TENM4: variants seen among roughly 807,000 people sequenced by gnomAD.
TENM4 encodes teneurin-4.
TENM4 carries 82 observed loss-of-function variants against 243.3 expected under a neutral mutation model. That is an observed-to-expected ratio of 0.34 (90% CI 0.28 to 0.40). TENM4 has a LOEUF of 0.40. Among genes scored for constraint, TENM4 ranks in the 10% least tolerant of loss-of-function variants. TENM4 has a pLI of 1.00. For missense variants in TENM4, 3,138 were observed against 3,673.3 expected (o/e 0.85, Z 3.77); for synonymous variants, 1,412 against 1,456.3 (o/e 0.97, Z 0.69).
At chr11:78,754,648 C>T (rs145508689) in intron 19 of TENM4, among the ~76,000 whole-genome samples, 38 of 152,320 alleles carry the variant, frequency 2.5e-4, no homozygotes, top group African/African-American at 8.7e-4. Flanking sequence ...GGCCTACAAG[C>T]ATACATACAA....
intron 23 of TENM4, among the ~76,000 whole-genome samples, chr11:78,724,835 G>C (rs907107420): frequency 2.6e-5 from 4 of 152,196 alleles, no homozygotes; most frequent in Non-Finnish European, 4.4e-5. Context: ...CTTCATCCTT[G>C]ACCTCCTTCC....
intron 3 of TENM4, among the ~76,000 whole-genome samples, chr11:79,209,180 G>A (rs1343462447): frequency 6.6e-6 from 1 of 152,190 alleles, no homozygotes; most frequent in Non-Finnish European, 1.5e-5. Context: ...ACCCAGCACT[G>A]TGCAGCTTCC....
At chr11:79,227,675 T>C (rs972518801) in intron 2 of TENM4, among the ~76,000 whole-genome samples, 1 of 152,126 alleles carries the variant, frequency 6.6e-6, no homozygotes, top group Non-Finnish European at 1.5e-5. Context: ...GTAGGTCCAG[T>C]CAGCTTGCAT....
intron 19 of TENM4, among the ~76,000 whole-genome samples, chr11:78,751,751 C>G (rs887893231): frequency 6.6e-6 from 1 of 152,174 alleles, no homozygotes; most frequent in African/African-American, 2.4e-5. Flanking sequence ...AGCTCTGGCT[C>G]GAGTGCTTGC....
intron 6 of TENM4, among the ~76,000 whole-genome samples, chr11:79,046,177 T>C (rs1466024822): frequency 6.6e-6 from 1 of 152,114 alleles, no homozygotes; most frequent in Non-Finnish European, 1.5e-5. Context: ...GGCTTAAGAT[T>C]GTGTGTCCTG....
At chr11:78,866,056 C>T (rs1858967128) in intron 9 of TENM4, among the ~76,000 whole-genome samples, 2 of 152,186 alleles carry the variant, frequency 1.3e-5, no homozygotes, top group South Asian at 4.1e-4. Flanking sequence ...TACCAGGTAC[C>T]AGGTGAGGTG....
intron 18 of TENM4, among the ~76,000 whole-genome samples, chr11:78,768,470 A>G (rs1018940501): frequency 6.6e-6 from 1 of 152,182 alleles, no homozygotes; most frequent in Admixed American, 6.5e-5. Context: ...CAATTGTCCC[A>G]CTGCATTGCA....
At chr11:78,768,561 A>G (rs1856587151) in intron 18 of TENM4, among the ~76,000 whole-genome samples, 1 of 152,340 alleles carries the variant, frequency 6.6e-6, no homozygotes, top group South Asian at 2.1e-4. Context: ...CTGAAGCCCC[A>G]GTACCCTGGA....
Position 78,903,520 on chromosome 11 carries a change from T to A in TENM4, c.497A>T (p.His166Leu), listed in dbSNP as rs1407420605. The A allele has an allele frequency of 6.5e-7, 1 of 1,546,002 alleles. No individual in the cohort carries two copies. The highest frequency in any genetic ancestry group is 8.7e-7 in the Non-Finnish European group (1 of 1,146,602). Residue 166 changes from histidine (H) to leucine (L), a missense_variant, in exon 7 of 34, where the codon CAT becomes CTT. Coordinates refer to ENST00000278550, the MANE Select transcript of TENM4 (RefSeq NM_001098816.3). The part of the protein sequence containing the change: ...DTEHENTETD[H>L]PGGLQNHARL... ...CGCGTGGTTCTGCAGGCCGCCCGGA[T>A]GATCTAGGGCACAAACATGGCGGTC...
Position 79,438,195 on chromosome 11 carries a change from A to C in TENM4, c.-321+2314T>G, listed in dbSNP as rs1331635049. 6.6e-6 allele frequency among the ~76,000 whole-genome samples: 1 copy of C among 152,018 alleles called. No homozygotes were observed. The highest frequency in any genetic ancestry group is 1.5e-5 in the Non-Finnish European group (1 of 67,994). ...GGAGTTCAGGGCCAATGTGTCCCAG[A>C]CTTCAGCGTTCCCCACGGCTGTGTC... On this transcript the variant is annotated intron_variant, in intron 1 of 33. Coordinates refer to ENST00000278550, the MANE Select transcript of TENM4 (RefSeq NM_001098816.3). The surrounding 1 kb of genome is among the most constrained non-coding windows in gnomAD (Gnocchi z 4.1).
intron 9 of TENM4, among the ~76,000 whole-genome samples, chr11:78,886,217 C>T (rs1434138086): frequency 6.6e-6 from 1 of 152,208 alleles, no homozygotes; most frequent in Admixed American, 6.5e-5. Context: ...AAATTAAACA[C>T]AATTTTTCAT....
chr11:78,657,551 G>A lies in TENM4; in HGVS notation c.*507C>T, dbSNP rs1188315851. On this transcript the variant is annotated 3_prime_UTR_variant, in exon 34 of 34. Transcript: ENST00000278550. ...ACTCTTCTGCAGGAGCCCTGCCAAG[G>A]AGCCTCAGGTCCTACAGACCCTCCT... 12 of 254,292 alleles carry A rather than the reference G, an allele frequency of 4.7e-5. No homozygotes were observed. Among genetic ancestry groups the A allele is most frequent in the Non-Finnish European group, 8.2e-5 (11 of 133,950 alleles). 15.8% of individuals were successfully genotyped at this position (254,292 alleles called of 1,614,324 possible).
intron 3 of TENM4, among the ~76,000 whole-genome samples, chr11:79,162,295 G>A (rs1186023859): frequency 1.3e-5 from 2 of 152,134 alleles, no homozygotes; most frequent in Non-Finnish European, 2.9e-5. Flanking sequence ...TAAACTTTCA[G>A]TGCCTTGGTT....
At chr11:78,868,851 CA>C (rs1194315637) in intron 9 of TENM4, among the ~76,000 whole-genome samples, 2 of 152,012 alleles carry the variant, frequency 1.3e-5, no homozygotes, top group African/African-American at 2.4e-5. Flanking sequence ...TTTTTGGTTT[CA>C]AAAGGCAGTG....
rs59592499 is a variant in TENM4, at chr11:78,782,470, G to A, written c.2366-3842C>T. Among the ~76,000 whole-genome samples, 79 of 152,300 alleles carry A rather than the reference G, an allele frequency of 5.2e-4. No homozygotes were observed. The East Asian group carries it at 9.1e-3, about 17-fold the overall frequency. On this transcript the variant is annotated intron_variant, in intron 16 of 33. Coordinates refer to ENST00000278550, the MANE Select transcript of TENM4 (RefSeq NM_001098816.3). ...AAATTAGCCAGGTGTGGTGGCGGGC[G>A]TCTGTGATCCCGGCTACTTGGGAGG... is the stretch of plus-strand genomic sequence containing the variant.
chr11:79,005,349 C>G (rs999712524), intron 6 of TENM4, among the ~76,000 whole-genome samples: 1 of 152,066 alleles, frequency 6.6e-6, no homozygotes, highest in African/African-American at 2.4e-5. Flanking sequence ...TTGCAAAAAT[C>G]CTCAACAACG....
At chr11:79,342,222 T>C (rs932626203) in intron 1 of TENM4, among the ~76,000 whole-genome samples, 2 of 152,212 alleles carry the variant, frequency 1.3e-5, no homozygotes, top group African/African-American at 4.8e-5. Context: ...GGAGAGGTCA[T>C]TTTGGGCTGA....
intron 9 of TENM4, among the ~76,000 whole-genome samples, chr11:78,885,630 G>A (rs934839831): frequency 6.6e-6 from 1 of 152,212 alleles, no homozygotes; most frequent in Non-Finnish European, 1.5e-5. Context: ...ACTAAGAAAT[G>A]GAACATCAGC....
Position 78,656,667 on chromosome 11 carries a change from C to G in TENM4, c.*1391G>C, listed in dbSNP as rs1857902922. On this transcript the variant is annotated 3_prime_UTR_variant, in exon 34 of 34. Transcript: ENST00000278550. ...GATCTACGGGCACCCACCTTGGGAA[C>G]TGCCCTGCTCCTGGTGGGGTTGTAT... 1 of 180,672 alleles carries G rather than the reference C, an allele frequency of 5.5e-6. No individual in the cohort carries two copies. The highest frequency in any genetic ancestry group is 2.3e-5 in the African/African-American group (1 of 42,676). 11.2% of individuals were successfully genotyped at this position (180,672 alleles called of 1,614,324 possible).
Sources: allele counts gnomAD v4.1 joint callset (sites outside exome capture counted in the v4.1 genomes callset), GRCh38; gene constraint gnomAD v4.1.1; non-coding constraint Gnocchi (gnomAD v3.1); transcripts MANE v1.5; gene names NCBI Gene and HGNC (gene_info 2026-07-23, HGNC 2026-07-21).